Variants in GAN observed in about 807,000 individuals in gnomAD.
GAN encodes epididymis secretory sperm binding protein.
A neutral mutation model predicts 71.3 loss-of-function variants in GAN; 48 were observed. That is an observed-to-expected ratio of 0.67 (90% confidence interval 0.53 to 0.86). The LOEUF (loss-of-function observed/expected upper bound fraction) is 0.86, where lower values mean the gene tolerates loss of function less well. Ranked by LOEUF, GAN falls within the 40% of genes least tolerant of loss-of-function variation. GAN has a pLI of 0.00. For missense variants in GAN, 928 were observed against 770.1 expected (o/e 1.21, Z -2.43); for synonymous variants, 386 against 276.8 (o/e 1.39, Z -3.92).
chr16:81,344,349 C>T lies in GAN; in HGVS notation c.168-7234C>T, dbSNP rs367970636. Among the ~76,000 whole-genome samples the T allele has an allele frequency of 2.0e-4, 30 of 152,272 alleles. No homozygotes were observed. In the South Asian group the frequency reaches 2.3e-3, roughly 12 times the overall value. The stretch of plus-strand genomic sequence containing the variant: ...CAAAGAACAAAGTCAGGAGGCATCA[C>T]GCTACCTGACTTCAAACTTTACTAC... On this transcript the variant is annotated intron_variant, in intron 1 of 10. Transcript: ENST00000648994.
chr16:81,362,756 G>A (rs895878617), intron 6 of GAN, 145 bp downstream of exon 6: 10 of 699,322 alleles, frequency 1.4e-5, no homozygotes, highest in Non-Finnish European at 2.4e-5. Context: ...TCTAGTGCCC[G>A]GCTCTCCTCC....
chr16:81,323,799 T>C (rs1326565267), intron 1 of GAN, among the ~76,000 whole-genome samples: 1 of 152,168 alleles, frequency 6.6e-6, no homozygotes, highest in Non-Finnish European at 1.5e-5. Context: ...TTACAGAGGA[T>C]TGCGCCCTCC....
At chr16:81,351,994 C>T (rs1255926788) in intron 2 of GAN, among the ~76,000 whole-genome samples, 1 of 152,128 alleles carries the variant, frequency 6.6e-6, no homozygotes, top group East Asian at 1.9e-4. Context: ...GCCCTGACTG[C>T]TGTGTTTTTG....
intron 9 of GAN, among the ~76,000 whole-genome samples, chr16:81,367,200 G>A (rs1380794929): frequency 3.3e-5 from 5 of 152,070 alleles, no homozygotes; most frequent in East Asian, 1.9e-4. Flanking sequence ...ATAATTAAAC[G>A]TAAGACTGTG....
At chr16:81,317,477 G>C (rs1481789813) in intron 1 of GAN, among the ~76,000 whole-genome samples, 4 of 152,260 alleles carry the variant, frequency 2.6e-5, no homozygotes, top group Admixed American at 2.6e-4. Flanking sequence ...AATCACACCT[G>C]TGAAGAAATA....
intron 1 of GAN, among the ~76,000 whole-genome samples, chr16:81,320,848 C>T (rs1406102886): frequency 6.6e-6 from 1 of 152,062 alleles, no homozygotes; most frequent in Non-Finnish European, 1.5e-5. Context: ...AACAACTGCT[C>T]AGAAGATGAA....
Position 81,345,709 on chromosome 16 carries a change from C to T in GAN, c.168-5874C>T, listed in dbSNP as rs547290148. The stretch of plus-strand genomic sequence containing the variant: ...TGTATACCTGTGTAACAAAATTGTA[C>T]GTTCTGCACATGTAACCCAGAGCTT... On this transcript the variant is annotated intron_variant, in intron 1 of 10. Transcript: ENST00000648994. Among the ~76,000 whole-genome samples, 38 of 152,254 alleles carry T rather than the reference C, an allele frequency of 2.5e-4. No individual in the cohort carries two copies. The East Asian group carries it at 6.0e-3, about 24-fold the overall frequency.
intron 1 of GAN, among the ~76,000 whole-genome samples, chr16:81,326,508 G>A (rs1313079287): frequency 6.6e-6 from 1 of 152,226 alleles, no homozygotes; most frequent in Non-Finnish European, 1.5e-5. Flanking sequence ...GCTCTAGCCT[G>A]GGCAACAAGA....
At chr16:81,363,705 G>C (rs1910753995) in intron 6 of GAN, 89 bp from the exon 7 acceptor site, 2 of 1,365,578 alleles carry the variant, frequency 1.5e-6, no homozygotes. Flanking sequence ...CCATCTTTAT[G>C]TTTCTCTAAT....
intron 1 of GAN, among the ~76,000 whole-genome samples, chr16:81,320,295 G>A (rs1567477597): frequency 6.6e-6 from 1 of 152,196 alleles, no homozygotes; most frequent in Non-Finnish European, 1.5e-5. Context: ...TGTCACATGG[G>A]CACTAAAGTC....
intron 5 of GAN, among the ~76,000 whole-genome samples, chr16:81,361,140 G>A (rs1326889004): frequency 5.3e-5 from 8 of 152,128 alleles, no homozygotes; most frequent in African/African-American, 1.7e-4. Context: ...CAGGAGAATC[G>A]CTTGAACCCA....
rs770983049 is a variant in GAN at position 81,354,776 on chromosome 16, G to T, written c.633+21G>T. The T allele has an allele frequency of 2.9e-6, 4 of 1,374,538 alleles. No homozygotes were observed. The South Asian group carries it at 3.5e-5, about 12-fold the overall frequency. The allele number at this position is 1,374,538 out of a possible 1,614,324, so 85.1% of individuals were successfully genotyped here. The stretch of plus-strand genomic sequence containing the variant: ...GAAAGGTACCTGTCATTTATAACAT[G>T]GTCAAATTTGCCTTTTTATTTCTTT... On this transcript the variant is annotated intron_variant, in intron 3 of 10. Coordinates refer to ENST00000648994, the MANE Select transcript of GAN (RefSeq NM_022041.4).
rs1910805702 is a variant in GAN, at chr16:81,365,061, G to A, written c.1324G>A (p.Asp442Asn). Residue 442 changes from aspartate to asparagine, a missense_variant, in exon 8 of 11, where the codon GAT (aspartate) becomes AAT (asparagine). Asp to Asn is a conservative substitution (Grantham distance 23). Coordinates refer to ENST00000648994, the MANE Select transcript of GAN (RefSeq NM_022041.4). ...GCTTTTTGAGTCTGTAGAGTGTTAT[G>A]ATCCCAGGACCCAGCAGTGGACTGC... Reference protein sequence around the residue: ...GKLFESVECYDPRTQQWTAIC... With the variant: ...GKLFESVECYNPRTQQWTAIC... 1 of 1,613,782 alleles carries A rather than the reference G, an allele frequency of 6.2e-7. No individual in the cohort carries two copies. Among genetic ancestry groups the A allele is most frequent in the South Asian group, 1.1e-5 (1 of 91,074 alleles).
intron 1 of GAN, among the ~76,000 whole-genome samples, chr16:81,350,809 G>A (rs1910275408): frequency 2.0e-5 from 3 of 152,118 alleles, no homozygotes; most frequent in Admixed American, 2.0e-4. Flanking sequence ...GTGAGCCACT[G>A]CACCCAGCCG....
At chr16:81,372,794 C>A (rs1158217621) in intron 9 of GAN, among the ~76,000 whole-genome samples, 1 of 152,180 alleles carries the variant, frequency 6.6e-6, no homozygotes, top group Non-Finnish European at 1.5e-5. Flanking sequence ...TGTGAATAAA[C>A]CAGTATTGTA....
At position 81,315,239 on chromosome 16, in the gene GAN, G is replaced by T; in HGVS notation, c.126G>T (p.Pro42=). 6.3e-7 allele frequency: 1 copy of T among 1,579,922 alleles called. No individual in the cohort carries two copies. The highest frequency in any genetic ancestry group is 8.6e-7 in the Non-Finnish European group (1 of 1,165,166). ...TGGTCCTCGACGGGGAGGAGATCCC[G>T]GTGCAGAAGAACATCCTGGCGGCGG... is the stretch of plus-strand genomic sequence containing the variant. ...AHLVLDGEEI[P]VQKNILAAAS... is the part of the protein sequence containing the mutation. The change falls in exon 1 of 11, where the codon CCG becomes CCT. Residue 42 remains proline, a synonymous_variant. Transcript: ENST00000648994.
chr16:81,359,775 A>G (rs990305197), intron 5 of GAN, among the ~76,000 whole-genome samples: 1 of 152,226 alleles, frequency 6.6e-6, no homozygotes, highest in African/African-American at 2.4e-5. Flanking sequence ...CTATACATCC[A>G]TACCCATGAT....
chr16:81,327,709 A>G (rs1909435645), intron 1 of GAN, among the ~76,000 whole-genome samples: 1 of 152,200 alleles, frequency 6.6e-6, no homozygotes, highest in South Asian at 2.1e-4. Flanking sequence ...CTCCTATAGT[A>G]TTTAAAGTGC....
intron 1 of GAN, among the ~76,000 whole-genome samples, chr16:81,336,377 G>A (rs780677168): frequency 1.3e-5 from 2 of 152,216 alleles, no homozygotes; most frequent in Admixed American, 1.3e-4. Context: ...GTGAGACAAG[G>A]CCATCTGTTG....
Sources: gnomAD v4.1 joint callset for allele counts (sites outside exome capture counted in the v4.1 genomes callset) on GRCh38, gnomAD v4.1.1 for gene constraint, MANE v1.5 for transcripts, NCBI Gene and HGNC (gene_info 2026-07-23, HGNC 2026-07-21) for gene names.